The following B3GALT1 variants were observed in gnomAD, a reference collection of about 807,000 sequenced individuals.
B3GALT1 encodes the protein beta-1,3-galactosyltransferase 1, also known as UDP-Gal:betaGlcNAc beta 1,3-galactosyltransferase, polypeptide 1.
In B3GALT1, 10 loss-of-function variants were observed where a neutral mutation model predicts 23.2. That is an observed-to-expected ratio of 0.43 (90% CI 0.27 to 0.73). The LOEUF (loss-of-function observed/expected upper bound fraction) is 0.73, where lower values mean the gene tolerates loss of function less well. Among genes scored for constraint, B3GALT1 ranks in the 30% least tolerant of loss-of-function variants. The pLI, the probability that B3GALT1 is intolerant of heterozygous loss-of-function variation, is 0.21. For synonymous variants in B3GALT1, 156 were observed against 141.5 expected (o/e 1.10, Z -0.73); for missense variants, 299 against 405.4 (o/e 0.74, Z 2.25).
At chr2:167,546,021 G>A (rs373837999) in intron 2 of B3GALT1, among the ~76,000 whole-genome samples, 8 of 152,324 alleles carry the variant, frequency 5.3e-5, no homozygotes, top group African/African-American at 1.7e-4. Context: ...TGCATGAAAC[G>A]TGAGGTCTGG....
intron 1 of B3GALT1, among the ~76,000 whole-genome samples, chr2:167,442,640 C>A (rs1332554266): frequency 6.6e-6 from 1 of 151,270 alleles, no homozygotes; most frequent in East Asian, 1.9e-4. Flanking sequence ...TGATGGTGAG[C>A]ATTTTTTCAT....
At chr2:167,834,257 C>T (rs541622131) in intron 4 of B3GALT1, among the ~76,000 whole-genome samples, 12 of 152,296 alleles carry the variant, frequency 7.9e-5, no homozygotes, top group African/African-American at 1.2e-4. Context: ...TCTGTATAAA[C>T]ATCTGTGCCC....
rs374498033 is a variant in B3GALT1, at chr2:167,594,955, G to A, written c.-409-51954G>A. Among the ~76,000 whole-genome samples the A allele has an allele frequency of 3.9e-5, 6 of 152,086 alleles. No homozygotes were observed. The South Asian group carries it at 1.0e-3, about 26-fold the overall frequency. On this transcript the variant is annotated intron_variant, in intron 2 of 4. Transcript: ENST00000392690. ...ACTTGGATAATGGACAAACGTGTGG[G>A]CAGCTGCTTGTTCTGAACTTCATTT...
chr2:167,549,591 A>G (rs1465781904), intron 2 of B3GALT1, among the ~76,000 whole-genome samples: 1 of 152,160 alleles, frequency 6.6e-6, no homozygotes, highest in Non-Finnish European at 1.5e-5. Context: ...TGGCTTACCT[A>G]TACCTGACAA....
intron 1 of B3GALT1, among the ~76,000 whole-genome samples, chr2:167,440,310 A>C (rs1337421441): frequency 6.8e-6 from 1 of 146,242 alleles, no homozygotes. Context: ...ACCACTGCAC[A>C]CTCCATCCTG....
chr2:167,786,168 G>A (rs1398617470), intron 3 of B3GALT1, among the ~76,000 whole-genome samples: 5 of 152,152 alleles, frequency 3.3e-5, no homozygotes, highest in Non-Finnish European at 7.3e-5. Flanking sequence ...ATTCCTGTTA[G>A]TGTGAAGTAG....
intron 3 of B3GALT1, among the ~76,000 whole-genome samples, chr2:167,739,350 G>A (rs1051049804): frequency 3.9e-5 from 6 of 152,106 alleles, no homozygotes; most frequent in Non-Finnish European, 8.8e-5. Flanking sequence ...TTCATAAGAC[G>A]TAACAGCTTC....
intron 2 of B3GALT1, among the ~76,000 whole-genome samples, chr2:167,626,114 G>T (rs1178987353): frequency 6.6e-6 from 1 of 150,946 alleles, no homozygotes; most frequent in East Asian, 1.9e-4. Flanking sequence ...GATTTGAAAA[G>T]AAACATGAAG....
rs112568306 is a variant in B3GALT1, at chr2:167,624,094, C to T, written c.-409-22815C>T. On this transcript the variant is annotated intron_variant, in intron 2 of 4. Coordinates refer to ENST00000392690, the MANE Select transcript of B3GALT1 (RefSeq NM_020981.4). ...AAGATTCAATGGGCTAAGAATATTC[C>T]GAACAAAATCATAGAATCTGCAATG... Among the ~76,000 whole-genome samples the T allele has an allele frequency of 4.5e-3, 679 of 151,928 alleles. 4 individuals carry two copies. Among genetic ancestry groups the T allele is most frequent in the African/African-American group, 0.016 (652 of 41,444 alleles).
chr2:167,693,061 C>T (rs902465387), intron 3 of B3GALT1, among the ~76,000 whole-genome samples: 9 of 150,506 alleles, frequency 6.0e-5, no homozygotes, highest in South Asian at 2.1e-4. Context: ...TTGCTGAACT[C>T]GTGATTGAAT....
chr2:167,484,975 T>C (rs1699604958), intron 1 of B3GALT1, among the ~76,000 whole-genome samples: 2 of 152,162 alleles, frequency 1.3e-5, no homozygotes, highest in Non-Finnish European at 2.9e-5. Context: ...AAAGATACTT[T>C]TACATTTTGT....
At chr2:167,613,053 G>A (rs1412588147) in intron 2 of B3GALT1, among the ~76,000 whole-genome samples, 1 of 151,864 alleles carries the variant, frequency 6.6e-6, no homozygotes, top group Non-Finnish European at 1.5e-5. Context: ...AATGGGGACA[G>A]GTAAAGAGAG....
At chr2:167,664,435 G>C (rs1270490693) in intron 3 of B3GALT1, among the ~76,000 whole-genome samples, 2 of 151,904 alleles carry the variant, frequency 1.3e-5, no homozygotes, top group East Asian at 3.8e-4. Flanking sequence ...GGATTGACTT[G>C]GCAATGCGGG....
chr2:167,866,869 G>A lies in B3GALT1; in HGVS notation c.-229-1942G>A, dbSNP rs1278191520. Among the ~76,000 whole-genome samples, 2 of 152,124 alleles carry A rather than the reference G, an allele frequency of 1.3e-5. 1 individual carries two copies. Among genetic ancestry groups the A allele is most frequent in the East Asian group, 3.9e-4 (2 of 5,182 alleles). ...AAGTTTGCTTTCTAGTACCATCTTG[G>A]GACTCACTTACAACCTTTTGTAATT... On this transcript the variant is annotated intron_variant, in intron 4 of 4. Coordinates refer to ENST00000392690, the MANE Select transcript of B3GALT1 (RefSeq NM_020981.4).
At chr2:167,833,965 A>G (rs1392060118) in intron 4 of B3GALT1, among the ~76,000 whole-genome samples, 1 of 152,180 alleles carries the variant, frequency 6.6e-6, no homozygotes, top group African/African-American at 2.4e-5. Flanking sequence ...ATAACATCAG[A>G]ATTTTTTATT....
intron 1 of B3GALT1, among the ~76,000 whole-genome samples, chr2:167,477,672 T>C (rs1699506246): frequency 6.6e-6 from 1 of 152,252 alleles, no homozygotes; most frequent in African/African-American, 2.4e-5. Context: ...TTACCAATTC[T>C]GCTGTGATGG....
chr2:167,540,640 A>T (rs1284568742), intron 2 of B3GALT1, among the ~76,000 whole-genome samples: 1 of 152,002 alleles, frequency 6.6e-6, no homozygotes, highest in Non-Finnish European at 1.5e-5. Context: ...TCTCTTTTTC[A>T]TTGTTGTTTT....
chr2:167,765,659 C>A (rs1489574547), intron 3 of B3GALT1, among the ~76,000 whole-genome samples: 1 of 152,066 alleles, frequency 6.6e-6, no homozygotes, highest in Non-Finnish European at 1.5e-5. Context: ...ATACAAGGAG[C>A]AAATAAATTT....
chr2:167,863,055 C>T (rs181408701), intron 4 of B3GALT1, among the ~76,000 whole-genome samples: 33 of 152,240 alleles, frequency 2.2e-4, no homozygotes, highest in Admixed American at 2.0e-3. Flanking sequence ...AAGTGTTACA[C>T]GTGCAACTTT....
Sources: gnomAD v4.1 joint callset for allele counts (sites outside exome capture counted in the v4.1 genomes callset) on GRCh38, gnomAD v4.1.1 for gene constraint, MANE v1.5 for transcripts, NCBI Gene and HGNC (gene_info 2026-07-23, HGNC 2026-07-21) for gene names.